RANBP3L: variants seen among roughly 807,000 people sequenced by gnomAD.
RANBP3L encodes the protein RAN binding protein 3 like.
RANBP3L carries 56 observed loss-of-function variants against 67.2 expected under a neutral mutation model. That is an observed-to-expected ratio of 0.83 (90% CI 0.67 to 1.04). The LOEUF is 1.04. Among genes scored for constraint, RANBP3L ranks in the 50% least tolerant of loss-of-function variants. The pLI is 0.00. For missense variants in RANBP3L, 496 were observed against 535.5 expected, an observed-to-expected ratio of 0.93 and a Z score of 0.73; for synonymous variants, 164 against 181.4, an observed-to-expected ratio of 0.90 and a Z score of 0.77.
intron 2 of RANBP3L, 85 bp downstream of exon 2, chr5:36,271,168 C>A: frequency 2.5e-6 from 2 of 803,048 alleles, no homozygotes; most frequent in Non-Finnish European, 4.4e-6. Flanking sequence ...CCTATGCAGC[C>A]GTGATATCTT....
At chr5:36,268,326 T>C in intron 4 of RANBP3L, 1 of 1,264,820 alleles carries the variant, frequency 7.9e-7, no homozygotes, top group Non-Finnish European at 1.1e-6. Context: ...TTTGTTTTCA[T>C]TTGGAGTTTT....
chr5:36,299,935 AT>A (rs1212817774), intron 1 of RANBP3L, among the ~76,000 whole-genome samples: 1 of 152,218 alleles, frequency 6.6e-6, no homozygotes, highest in African/African-American at 2.4e-5. Flanking sequence ...GGAATAATCC[AT>A]ACAAGTGCAT....
intron 1 of RANBP3L, among the ~76,000 whole-genome samples, chr5:36,277,728 C>T (rs1314097728): frequency 6.6e-6 from 1 of 152,030 alleles, no homozygotes; most frequent in Non-Finnish European, 1.5e-5. Flanking sequence ...ATTCACTTCC[C>T]TCCTGCTCTG....
At position 36,253,796 on chromosome 5, in the gene RANBP3L, T is replaced by C; in HGVS notation, c.1025-7A>G. On this transcript the variant is annotated splice_region_variant and splice_polypyrimidine_tract_variant and intron_variant, in intron 11 of 13. Transcript: ENST00000296604. The stretch of plus-strand genomic sequence containing the variant: ...CTGCCTTGATTGCGCATAACTAAAA[T>C]AGGAAGGTGACTACATCAGGCCACA... 1.2e-6 allele frequency: 2 copies of C among 1,611,918 alleles called. No individual in the cohort carries two copies. The highest frequency in any genetic ancestry group is 1.7e-6 in the Non-Finnish European group (2 of 1,178,824).
chr5:36,265,372 C>G, intron 5 of RANBP3L, 77 bp downstream of exon 5: 1 of 927,074 alleles, frequency 1.1e-6, no homozygotes, highest in South Asian at 1.6e-5. Flanking sequence ...CCCCAACACA[C>G]GCACACATAT....
In RANBP3L at chr5:36,290,894, G is replaced by T. The variant is rs10473008; in HGVS notation, c.91+10432C>A. 6.4e-3 allele frequency among the ~76,000 whole-genome samples: 884 copies of T among 139,056 alleles called. 10 individuals are homozygous for T. Among genetic ancestry groups the T allele is most frequent in the African/African-American group, 0.025 (838 of 33,148 alleles). The allele number at this position is 139,056 out of a possible 152,430, so 91.2% of individuals were successfully genotyped here. The stretch of plus-strand genomic sequence containing the variant: ...CTACAGGCACATGCCACCATGCCTG[G>T]CTAATTTTTTTTTTTTTTTTTTTGT... On this transcript the variant is annotated intron_variant, in intron 1 of 13. Coordinates refer to ENST00000296604, the MANE Select transcript of RANBP3L (RefSeq NM_145000.5).
At chr5:36,277,245 C>T (rs1035420854) in intron 1 of RANBP3L, among the ~76,000 whole-genome samples, 5 of 152,100 alleles carry the variant, frequency 3.3e-5, no homozygotes, top group Non-Finnish European at 5.9e-5. Context: ...CTGTCTCACC[C>T]CAATCTCCAG....
At position 36,284,008 on chromosome 5, in the gene RANBP3L, A is replaced by C. The variant is rs181058198; in HGVS notation, c.92-12697T>G. Among the ~76,000 whole-genome samples, 1,208 of 148,450 alleles carry C rather than the reference A, an allele frequency of 8.1e-3. 17 individuals carry two copies. Among genetic ancestry groups the C allele is most frequent in the African/African-American group, 0.028 (1,142 of 40,172 alleles). ...ACTTCCTTTTTTTTTTTTGAGATGGAGTTTCACTCTTGTTGCCCAGGCTGG... is the reference window on the plus strand; with the variant it reads ...ACTTCCTTTTTTTTTTTTGAGATGGCGTTTCACTCTTGTTGCCCAGGCTGG... On this transcript the variant is annotated intron_variant, in intron 1 of 13. Coordinates refer to ENST00000296604, the MANE Select transcript of RANBP3L (RefSeq NM_145000.5).
chr5:36,299,335 ATGTGTGTGTG>A (rs368964724), intron 1 of RANBP3L, among the ~76,000 whole-genome samples: 13 of 145,262 alleles, frequency 8.9e-5, no homozygotes, highest in Admixed American at 2.1e-4. Flanking sequence ...ACATACATAT[ATGTGTGTGTG>A]TGTGTGTGTG....
intron 1 of RANBP3L, among the ~76,000 whole-genome samples, chr5:36,278,405 C>T (rs1018792153): frequency 2.6e-5 from 4 of 152,006 alleles, no homozygotes; most frequent in Admixed American, 1.3e-4. Flanking sequence ...TCTCCACCCC[C>T]GACCTACTAA....
At chr5:36,278,930 G>A (rs1750786549) in intron 1 of RANBP3L, among the ~76,000 whole-genome samples, 1 of 152,136 alleles carries the variant, frequency 6.6e-6, no homozygotes, top group Non-Finnish European at 1.5e-5. Context: ...ATTGAATGGT[G>A]ATTAAAATGT....
At chr5:36,253,225 T>A (rs1748721747) in intron 12 of RANBP3L, among the ~76,000 whole-genome samples, 1 of 152,090 alleles carries the variant, frequency 6.6e-6, no homozygotes, top group South Asian at 2.1e-4. Context: ...GCTAGCTCTG[T>A]GTTTTTCCAT....
chr5:36,277,170 T>G (rs2111968745), intron 1 of RANBP3L, among the ~76,000 whole-genome samples: 1 of 152,256 alleles, frequency 6.6e-6, no homozygotes, highest in South Asian at 2.1e-4. Context: ...TTCTTCTCCC[T>G]TTCTTCCTGG....
chr5:36,255,544 A>G lies in RANBP3L; in HGVS notation c.950T>C (p.Ile317Thr), dbSNP rs139003586. The G allele has an allele frequency of 1.3e-4, 202 of 1,611,606 alleles. 1 individual carries two copies. The African/African-American group carries it at 2.1e-3, about 17-fold the overall frequency. Residue 317 changes from isoleucine to threonine, a missense_variant, in exon 11 of 14, where the codon ATT becomes ACT. Coordinates refer to ENST00000296604, the MANE Select transcript of RANBP3L (RefSeq NM_145000.5). ...FIFNKTTQSW[I>T]ERGRGTLRLN... ...TCTCAACGTTCCTCTGCCCCTTTCA[A>G]TCCAGGATTGTGTTGTTTTGTTGAA...
intron 1 of RANBP3L, among the ~76,000 whole-genome samples, chr5:36,272,372 C>G (rs1750281213): frequency 6.6e-6 from 1 of 152,194 alleles, no homozygotes; most frequent in Non-Finnish European, 1.5e-5. Flanking sequence ...CCATTACCAA[C>G]ATATTGTCTT....
At chr5:36,268,533 A>C (rs1749971287) in intron 4 of RANBP3L, among the ~76,000 whole-genome samples, 1 of 152,176 alleles carries the variant, frequency 6.6e-6, no homozygotes, top group South Asian at 2.1e-4. Flanking sequence ...CAGTGGAGGA[A>C]AAATATATAC....
intron 1 of RANBP3L, among the ~76,000 whole-genome samples, chr5:36,285,064 A>G (rs1482550239): frequency 2.0e-5 from 3 of 152,182 alleles, no homozygotes; most frequent in African/African-American, 7.2e-5. Flanking sequence ...CCCAGCTCTG[A>G]GACCTCCTGG....
At chr5:36,277,422 CTATATA>C (rs1554017945) in intron 1 of RANBP3L, among the ~76,000 whole-genome samples, 1 of 115,260 alleles carries the variant, frequency 8.7e-6, no homozygotes, top group African/African-American at 3.4e-5. Context: ...CTCTCTCTCT[CTATATA>C]TATATATATA....
intron 1 of RANBP3L, among the ~76,000 whole-genome samples, chr5:36,287,755 A>G (rs546803405): frequency 2.0e-5 from 3 of 152,332 alleles, no homozygotes; most frequent in Non-Finnish European, 2.9e-5. Context: ...TTTGGTGACT[A>G]TGTTATTAAT....
Sources: allele counts gnomAD v4.1 joint callset (sites outside exome capture counted in the v4.1 genomes callset), GRCh38; gene constraint gnomAD v4.1.1; transcripts MANE v1.5; gene names NCBI Gene and HGNC (gene_info 2026-07-23, HGNC 2026-07-21).